LSAMP: variants seen among roughly 807,000 people sequenced by gnomAD.
LSAMP encodes the protein limbic system associated membrane protein.
A neutral mutation model predicts 38.6 loss-of-function variants in LSAMP; 7 were observed. The observed-to-expected ratio is 0.18, with a 90% CI of 0.10 to 0.34. The LOEUF (loss-of-function observed/expected upper bound fraction) is 0.34, where lower values mean the gene tolerates loss of function less well. Among genes scored for constraint, LSAMP ranks in the 10% least tolerant of loss-of-function variants. The pLI is 1.00. For missense variants in LSAMP, 313 were observed against 420.0 expected (o/e 0.75, Z 2.23); for synonymous variants, 154 against 166.8 (o/e 0.92, Z 0.59).
At chr3:115,813,336 T>G (rs1933901120) in intron 6 of LSAMP, among the ~76,000 whole-genome samples, 1 of 152,138 alleles carries the variant, frequency 6.6e-6, no homozygotes, top group Non-Finnish European at 1.5e-5. Context: ...TTCTCTATAG[T>G]AACATGCTTA....
intron 1 of LSAMP, among the ~76,000 whole-genome samples, chr3:116,259,694 C>G (rs145293431): frequency 7.2e-5 from 11 of 152,110 alleles, no homozygotes; most frequent in Middle Eastern, 3.4e-3. Flanking sequence ...GCAATCATTT[C>G]GTAAAGTTGC....
chr3:115,900,512 CA>C (rs5851983), intron 3 of LSAMP, among the ~76,000 whole-genome samples: 22,289 of 74,388 alleles, frequency 0.3, 838 homozygotes, highest in East Asian at 0.39. Flanking sequence ...TGAGACTGTC[CA>C]AAAAAAAAAA....
chr3:115,804,562 C>T lies in LSAMP; in HGVS notation c.*5755G>A, dbSNP rs1187322021. 6.6e-6 allele frequency: 1 copy of T among 152,076 alleles called. No homozygotes were observed. Among genetic ancestry groups the T allele is most frequent in the Non-Finnish European group, 1.5e-5 (1 of 68,022 alleles). 9.4% of individuals were successfully genotyped at this position (152,076 alleles called of 1,614,324 possible). ...GGGGTTGATACAACAGGCACATGAG[C>T]CCTTAAAACTCCTTCCTGTTTTTTT... On this transcript the variant is annotated 3_prime_UTR_variant, in exon 7 of 7. Coordinates refer to ENST00000490035, the MANE Select transcript of LSAMP (RefSeq NM_002338.5).
chr3:116,254,783 G>C (rs1301419734), intron 1 of LSAMP, among the ~76,000 whole-genome samples: 1 of 152,128 alleles, frequency 6.6e-6, no homozygotes, highest in African/African-American at 2.4e-5. Flanking sequence ...CAGAATCTCA[G>C]ATTGCTCAAC....
At chr3:116,107,936 G>A (rs1295271995) in intron 1 of LSAMP, among the ~76,000 whole-genome samples, 1 of 152,176 alleles carries the variant, frequency 6.6e-6, no homozygotes, top group Non-Finnish European at 1.5e-5. Flanking sequence ...TGTATGGCTT[G>A]TCTGGTTTTA....
chr3:116,319,949 T>C (rs535612888), intron 1 of LSAMP, among the ~76,000 whole-genome samples: 2 of 152,314 alleles, frequency 1.3e-5, no homozygotes, highest in East Asian at 3.9e-4. Context: ...TTGTATTTTT[T>C]TCCTCCTTTA....
At chr3:116,158,203 T>A (rs916036533) in intron 1 of LSAMP, among the ~76,000 whole-genome samples, 2 of 152,114 alleles carry the variant, frequency 1.3e-5, no homozygotes, top group Admixed American at 1.3e-4. Context: ...AGGAACATAC[T>A]TCATAATAAT....
chr3:115,864,758 T>C (rs373486117), intron 3 of LSAMP, among the ~76,000 whole-genome samples: 2 of 152,052 alleles, frequency 1.3e-5, no homozygotes, highest in Non-Finnish European at 2.9e-5. Context: ...TTCATGAAAG[T>C]GTATGATTAA....
intron 1 of LSAMP, among the ~76,000 whole-genome samples, chr3:116,191,993 T>C (rs1286473239): frequency 6.6e-6 from 1 of 151,508 alleles, no homozygotes; most frequent in Non-Finnish European, 1.5e-5. Context: ...GGAACACAAA[T>C]ATCTGTCTGA....
chr3:116,286,570 C>G (rs2047196684), intron 1 of LSAMP, among the ~76,000 whole-genome samples: 1 of 152,108 alleles, frequency 6.6e-6, no homozygotes, highest in African/African-American at 2.4e-5. Flanking sequence ...TTCTCTTCCT[C>G]TAACTCACCC....
At chr3:115,975,397 C>T (rs1939155999) in intron 3 of LSAMP, among the ~76,000 whole-genome samples, 1 of 152,164 alleles carries the variant, frequency 6.6e-6, no homozygotes, top group South Asian at 2.1e-4. Flanking sequence ...TTAGCATTTT[C>T]CCAATTTATG....
At chr3:116,037,684 T>G (rs1941076953) in intron 2 of LSAMP, among the ~76,000 whole-genome samples, 1 of 152,152 alleles carries the variant, frequency 6.6e-6, no homozygotes, top group East Asian at 1.9e-4. Flanking sequence ...TGAGCCAGAA[T>G]TGTATGGTAA....
chr3:116,334,863 A>G (rs2047899057), intron 1 of LSAMP, among the ~76,000 whole-genome samples: 1 of 152,088 alleles, frequency 6.6e-6, no homozygotes, highest in Non-Finnish European at 1.5e-5. Flanking sequence ...TCTATTCAAC[A>G]TAGTACTGGA....
chr3:116,395,193 A>G (rs1487218589), intron 1 of LSAMP, among the ~76,000 whole-genome samples: 1 of 152,198 alleles, frequency 6.6e-6, no homozygotes, highest in Non-Finnish European at 1.5e-5. Flanking sequence ...AGGAGCATGA[A>G]TAATCTCTCC....
At chr3:116,075,138 A>T (rs1246906875) in intron 2 of LSAMP, among the ~76,000 whole-genome samples, 21 of 118,264 alleles carry the variant, frequency 1.8e-4, no homozygotes, top group South Asian at 2.8e-4. Context: ...GCACCCAGCC[A>T]TTTTTTTTTT....
In LSAMP at chr3:116,212,557, C is replaced by CAA. The variant is rs11287021; in HGVS notation, c.156-126003_156-126002dup. On this transcript the variant is annotated intron_variant, in intron 1 of 6. Coordinates refer to ENST00000490035, the MANE Select transcript of LSAMP (RefSeq NM_002338.5). Reference sequence around the variant, plus strand: ...TTTGTTTAGAGATAAAATAAAACTTCAAAAAAAAAAACTACAGAAGTAAAA... The same window carrying CAA: ...TTTGTTTAGAGATAAAATAAAACTTCAAAAAAAAAAAAACTACAGAAGTAAAA... Among the ~76,000 whole-genome samples, 1,293 of 148,148 alleles carry CAA rather than the reference C, an allele frequency of 8.7e-3. 12 individuals carry two copies. The highest frequency in any genetic ancestry group is 0.031 in the African/African-American group (1,221 of 39,898).
chr3:116,383,914 G>A (rs1576180148), intron 1 of LSAMP, among the ~76,000 whole-genome samples: 1 of 152,054 alleles, frequency 6.6e-6, no homozygotes, highest in African/African-American at 2.4e-5. Flanking sequence ...ACATTGATTA[G>A]ATGCCATAGT....
intron 3 of LSAMP, among the ~76,000 whole-genome samples, chr3:115,859,158 G>A (rs1935597610): frequency 6.6e-6 from 1 of 152,160 alleles, no homozygotes; most frequent in Non-Finnish European, 1.5e-5. Context: ...ACCCCTTAGT[G>A]TTTGACAATG....
At chr3:116,185,285 T>C (rs888814055) in intron 1 of LSAMP, among the ~76,000 whole-genome samples, 1 of 151,996 alleles carries the variant, frequency 6.6e-6, no homozygotes, top group African/African-American at 2.4e-5. Flanking sequence ...GAAAATCTTA[T>C]CATGTCTTTT....
Sources: gnomAD v4.1 joint callset for allele counts (sites outside exome capture counted in the v4.1 genomes callset) on GRCh38, gnomAD v4.1.1 for gene constraint, MANE v1.5 for transcripts, NCBI Gene and HGNC (gene_info 2026-07-23, HGNC 2026-07-21) for gene names.